The following POU6F2 variants were observed in gnomAD, a reference collection of about 807,000 sequenced individuals.
POU6F2 encodes the protein POU class 6 homeobox 2, also known as POU domain, class 6, transcription factor 2.
Under a neutral mutation model 71.3 loss-of-function variants are expected in POU6F2, and 31 were observed. The observed-to-expected ratio is 0.43, with a 90% CI of 0.33 to 0.59. POU6F2 has a LOEUF of 0.59. Among genes scored for constraint, POU6F2 ranks in the 20% least tolerant of loss-of-function variants. POU6F2 has a pLI of 0.04. For synonymous variants in POU6F2, 347 were observed against 355.7 expected (o/e 0.98, Z 0.27); for missense variants, 783 against 856.8 (o/e 0.91, Z 1.07).
chr7:39,276,378 C>A (rs886266263), intron 4 of POU6F2, among the ~76,000 whole-genome samples: 24 of 152,240 alleles, frequency 1.6e-4, no homozygotes, highest in Admixed American at 3.9e-4. Flanking sequence ...GTTAGAATGG[C>A]AATCATTAAA....
At chr7:39,168,180 A>G (rs1054778778) in intron 2 of POU6F2, among the ~76,000 whole-genome samples, 74 of 152,182 alleles carry the variant, frequency 4.9e-4, no homozygotes, top group African/African-American at 1.7e-3. Flanking sequence ...CCAAGCATCA[A>G]TAATAGCCTA....
chr7:39,038,169 T>C (rs1790107116), intron 1 of POU6F2, among the ~76,000 whole-genome samples: 1 of 152,052 alleles, frequency 6.6e-6, no homozygotes, highest in South Asian at 2.1e-4. Flanking sequence ...TTCTTCCACT[T>C]GTAAGAACTG....
chr7:39,453,557 A>G (rs1161624666), intron 8 of POU6F2, among the ~76,000 whole-genome samples: 3 of 152,198 alleles, frequency 2.0e-5, no homozygotes, highest in Admixed American at 6.5e-5. Flanking sequence ...AATAGTTAAC[A>G]TGTGTAAGAT....
intron 2 of POU6F2, among the ~76,000 whole-genome samples, chr7:39,138,413 C>T (rs1046339057): frequency 1.3e-5 from 2 of 152,176 alleles, no homozygotes; most frequent in African/African-American, 2.4e-5. Flanking sequence ...GCAAGTGAAG[C>T]TTCATCTGTA....
chr7:39,464,678 A>G lies in POU6F2; in HGVS notation c.2155A>G (p.Asn719Asp). ...LEPLTDSLEE[N>D]S Reference sequence around the variant, plus strand: ...GCCCTTAACAGACTCTCTGGAAGAAAACTCCTAAAGAGATGCCCACCCATA... The same window carrying G: ...GCCCTTAACAGACTCTCTGGAAGAAGACTCCTAAAGAGATGCCCACCCATA... Residue 719 changes from asparagine to aspartate, a missense_variant, in exon 10 of 10, where the codon AAC (asparagine) becomes GAC (aspartate). Physicochemically the swap from Asn to Asp is conservative, Grantham distance 23 (BLOSUM62 1). This residue lies in a region of POU6F2 where 211 missense variants were observed against 283.9 expected (regional missense o/e 0.74). Transcript: ENST00000518318. The surrounding 1 kb of genome is among the most constrained non-coding windows in gnomAD (Gnocchi z 4.1). 6.2e-7 allele frequency: 1 copy of G among 1,601,420 alleles called. No individual in the cohort carries two copies.
intron 2 of POU6F2, among the ~76,000 whole-genome samples, chr7:39,162,733 A>G (rs537362605): frequency 2.0e-5 from 3 of 152,356 alleles, no homozygotes; most frequent in South Asian, 2.1e-4. Context: ...TCTCAGAGCC[A>G]TGATGCCATT....
intron 2 of POU6F2, among the ~76,000 whole-genome samples, chr7:39,123,973 G>A (rs983006257): frequency 2.0e-5 from 3 of 151,228 alleles, no homozygotes; most frequent in Admixed American, 2.0e-4. Context: ...GACTATACAT[G>A]ACTAAGAAAC....
chr7:38,997,777 C>A (rs1044440346), intron 1 of POU6F2, among the ~76,000 whole-genome samples: 1 of 152,134 alleles, frequency 6.6e-6, no homozygotes, highest in Non-Finnish European at 1.5e-5. Flanking sequence ...ACTGATGGCA[C>A]GTATGGGTAT....
intron 1 of POU6F2, among the ~76,000 whole-genome samples, chr7:39,071,658 C>CACACACACACACACAA (rs1790883967): frequency 8.5e-5 from 1 of 11,832 alleles, no homozygotes. Flanking sequence ...TAAAGAAACA[C>CACACACACACACACAA]ACACACACAC....
At chr7:39,134,461 G>A (rs1792351158) in intron 2 of POU6F2, among the ~76,000 whole-genome samples, 2 of 152,164 alleles carry the variant, frequency 1.3e-5, no homozygotes. Flanking sequence ...AATGATAATG[G>A]TGATGAGAGA....
chr7:39,171,016 C>CTTTTTTT (rs760022218), intron 2 of POU6F2, among the ~76,000 whole-genome samples: 573 of 94,524 alleles, frequency 6.1e-3, no homozygotes, highest in Middle Eastern at 7.8e-3. Flanking sequence ...TCACATATAT[C>CTTTTTTT]TTTTTTTTTT....
At chr7:39,177,885 TA>T (rs201580550) in intron 2 of POU6F2, among the ~76,000 whole-genome samples, 2,329 of 152,360 alleles carry the variant, frequency 0.015, 59 homozygotes, top group African/African-American at 0.052. Flanking sequence ...CCTCTTGCTA[TA>T]AATTCACAAG....
chr7:39,028,331 T>G (rs1789863850), intron 1 of POU6F2, among the ~76,000 whole-genome samples: 1 of 152,168 alleles, frequency 6.6e-6, no homozygotes, highest in Non-Finnish European at 1.5e-5. Flanking sequence ...CAGATGAAGT[T>G]AATTTTAAAA....
intron 6 of POU6F2, among the ~76,000 whole-genome samples, chr7:39,407,579 T>C (rs915124084): frequency 6.6e-6 from 1 of 151,688 alleles, no homozygotes; most frequent in African/African-American, 2.4e-5. Context: ...GGTTCTCCAG[T>C]GTGACTGATC....
chr7:39,112,494 T>A (rs1392705264), intron 2 of POU6F2, among the ~76,000 whole-genome samples: 1 of 152,192 alleles, frequency 6.6e-6, no homozygotes, highest in African/African-American at 2.4e-5. Context: ...AATATGCTTA[T>A]AACCAAAAAT....
chr7:39,021,528 A>G (rs1455560217), intron 1 of POU6F2, among the ~76,000 whole-genome samples: 2 of 152,028 alleles, frequency 1.3e-5, no homozygotes. Context: ...AAATAAAATT[A>G]TCTATTTTTT....
At chr7:39,157,612 A>G (rs1792899698) in intron 2 of POU6F2, among the ~76,000 whole-genome samples, 1 of 152,202 alleles carries the variant, frequency 6.6e-6, no homozygotes, top group Admixed American at 6.5e-5. Context: ...ATTTACAGCT[A>G]CATTTACTTG....
At chr7:39,172,022 T>C (rs1793227288) in intron 2 of POU6F2, among the ~76,000 whole-genome samples, 1 of 152,150 alleles carries the variant, frequency 6.6e-6, no homozygotes, top group African/African-American at 2.4e-5. Context: ...TGCCAAAGCA[T>C]CATTTTTACA....
At chr7:39,164,080 G>C (rs553784603) in intron 2 of POU6F2, among the ~76,000 whole-genome samples, 29 of 152,050 alleles carry the variant, frequency 1.9e-4, no homozygotes, top group Admixed American at 3.9e-4. Context: ...ATTGCTAAGA[G>C]GGTAAATTTT....
Sources: gnomAD v4.1 joint callset for allele counts (sites outside exome capture counted in the v4.1 genomes callset) on GRCh38, gnomAD v4.1.1 for gene constraint, gnomAD v4.1.1 regional missense constraint, Gnocchi (gnomAD v3.1) non-coding constraint, MANE v1.5 for transcripts, NCBI Gene and HGNC (gene_info 2026-07-23, HGNC 2026-07-21) for gene names.